CMYA5: variants seen among roughly 807,000 people sequenced by gnomAD.
CMYA5 encodes cardiomyopathy associated 5.
Under a neutral mutation model 318.9 loss-of-function variants are expected in CMYA5, and 246 were observed. That is an observed-to-expected ratio of 0.77 (90% confidence interval 0.70 to 0.86). CMYA5 has a LOEUF of 0.86. Among genes scored for constraint, CMYA5 ranks in the 40% least tolerant of loss-of-function variants. CMYA5 has a pLI of 0.00. For missense variants in CMYA5, 4,589 were observed against 4,678.2 expected (o/e 0.98, Z 0.56); for synonymous variants, 1,641 against 1,729.5 (o/e 0.95, Z 1.27).
At chr5:79,776,651 A>T (rs1670748899) in intron 9 of CMYA5, among the ~76,000 whole-genome samples, 1 of 152,116 alleles carries the variant, frequency 6.6e-6, no homozygotes, top group Non-Finnish European at 1.5e-5. Context: ...GGCTTGGGGA[A>T]CACTGCCTTA....
rs1013779600 is a variant in CMYA5 at position 79,751,009 on chromosome 5, C to T, written c.10992-1667C>T. Reference sequence around the variant, plus strand: ...TTGTTCATTCTGAGCCTATCATTTCCGCCCTCTCCATCCCCACAGTCTTAA... The same window carrying T: ...TTGTTCATTCTGAGCCTATCATTTCTGCCCTCTCCATCCCCACAGTCTTAA... On this transcript the variant is annotated intron_variant, in intron 5 of 12. Coordinates refer to ENST00000446378, the MANE Select transcript of CMYA5 (RefSeq NM_153610.5). Among the ~76,000 whole-genome samples, 12 of 152,050 alleles carry T rather than the reference C, an allele frequency of 7.9e-5. 1 individual carries two copies. Among genetic ancestry groups the T allele is most frequent in the South Asian group, 2.1e-4 (1 of 4,824 alleles).
At position 79,732,110 on chromosome 5, in the gene CMYA5, T is replaced by G. The variant is rs1199148692; in HGVS notation, c.3345T>G (p.Thr1115=). The change falls in exon 2 of 13, where the codon ACT becomes ACG. Residue 1115 remains threonine (T), a synonymous_variant. Coordinates refer to ENST00000446378, the MANE Select transcript of CMYA5 (RefSeq NM_153610.5). ...TCATTTTGGCACAGAAGCAGAAAACTCAAGCATATTTAGAGCCTGAGTCTG... is the reference window on the plus strand; with the variant it reads ...TCATTTTGGCACAGAAGCAGAAAACGCAAGCATATTTAGAGCCTGAGTCTG... ...EYLILAQKQK[T]QAYLEPESED... 3 of 1,613,954 alleles carry G rather than the reference T, an allele frequency of 1.9e-6. No individual in the cohort carries two copies. In the South Asian group the frequency reaches 3.3e-5, roughly 18 times the overall value.
intron 9 of CMYA5, among the ~76,000 whole-genome samples, chr5:79,772,109 T>C (rs1448087127): frequency 6.6e-6 from 1 of 150,386 alleles, no homozygotes; most frequent in African/African-American, 2.4e-5. Flanking sequence ...CCAATGACAG[T>C]TCCATTTGTA....
chr5:79,741,860 G>GT (rs991546923), intron 2 of CMYA5, among the ~76,000 whole-genome samples: 3 of 152,044 alleles, frequency 2.0e-5, no homozygotes, highest in East Asian at 1.9e-4. Context: ...CATTTTTAAA[G>GT]TTTTTTTTAA....
At chr5:79,799,248 T>C in intron 12 of CMYA5, 122 bp from the exon 13 acceptor site, 1 of 988,406 alleles carries the variant, frequency 1.0e-6, no homozygotes, top group Non-Finnish European at 1.5e-6. Context: ...GACAGCATTA[T>C]TGCAACTCCT....
At chr5:79,770,487 G>A (rs571348712) in intron 9 of CMYA5, among the ~76,000 whole-genome samples, 9 of 152,310 alleles carry the variant, frequency 5.9e-5, no homozygotes, top group East Asian at 3.9e-4. Flanking sequence ...TGGGAAAAGC[G>A]TAGTATCCGG....
In CMYA5 at chr5:79,738,569, T is replaced by A. The variant is rs771222469; in HGVS notation, c.9804T>A (p.Gly3268=). Residue 3268 remains glycine (G), a synonymous_variant, in exon 2 of 13, where the codon GGT becomes GGA. Coordinates refer to ENST00000446378, the MANE Select transcript of CMYA5 (RefSeq NM_153610.5). ...AAGGTCTGGAAGAAAAACGAGTTGG[T>A]AAGGATGATTCATACCAACCGATAG... ...QGQGLEEKRV[G]KDDSYQPIAA... The A allele has an allele frequency of 6.2e-7, 1 of 1,613,520 alleles. No individual in the cohort carries two copies. Among genetic ancestry groups the A allele is most frequent in the East Asian group, 2.2e-5 (1 of 44,878 alleles).
At chr5:79,701,508 TCACA>T (rs1020929254) in intron 1 of CMYA5, among the ~76,000 whole-genome samples, 7 of 152,058 alleles carry the variant, frequency 4.6e-5, no homozygotes, top group Admixed American at 1.3e-4. Context: ...AATTAAAATC[TCACA>T]CACACAAAAC....
In CMYA5 at chr5:79,731,722, T is replaced by C. The variant is rs772352629; in HGVS notation, c.2957T>C (p.Ile986Thr). ...ICLTSPSEHT[I>T]LSDEDTEEAE... ...TTAACATCACCATCTGAGCACACTATTTTGTCAGATGAAGACACTGAAGAA... is the reference window on the plus strand; with the variant it reads ...TTAACATCACCATCTGAGCACACTACTTTGTCAGATGAAGACACTGAAGAA... The change falls in exon 2 of 13, where the codon ATT becomes ACT. Residue 986 changes from isoleucine to threonine, a missense_variant. Ile to Thr is a moderately conservative substitution (Grantham distance 89). Around this residue, in one of 3 missense-constraint regions of CMYA5, gnomAD observed 2,132 missense variants for 2,131.3 expected, o/e 1.00. Coordinates refer to ENST00000446378, the MANE Select transcript of CMYA5 (RefSeq NM_153610.5). The C allele has an allele frequency of 1.2e-6, 2 of 1,613,852 alleles. No individual in the cohort carries two copies. Among genetic ancestry groups the C allele is most frequent in the African/African-American group, 2.7e-5 (2 of 74,944 alleles).
At position 79,739,097 on chromosome 5, in the gene CMYA5, A is replaced by G. The variant is rs1828158377; in HGVS notation, c.10332A>G (p.Glu3444=). ...TATTATCAGAAGAACTGTCTTCAGA[A>G]TCCACACCTGAAGATGTCTTATCTC... The part of the protein sequence containing the change: ...QDILSEELSS[E]STPEDVLSQG... The change falls in exon 2 of 13, where the codon GAA becomes GAG. Residue 3444 remains glutamate (E), a synonymous_variant. Transcript: ENST00000446378. The G allele has an allele frequency of 6.2e-7, 1 of 1,613,766 alleles. No individual in the cohort carries two copies. Among genetic ancestry groups the G allele is most frequent in the Admixed American group, 1.7e-5 (1 of 59,970 alleles).
chr5:79,795,370 G>T (rs1829258093), intron 12 of CMYA5, among the ~76,000 whole-genome samples: 1 of 152,132 alleles, frequency 6.6e-6, no homozygotes, highest in East Asian at 1.9e-4. Context: ...CATCACTCTT[G>T]ATTCTACTCA....
intron 1 of CMYA5, among the ~76,000 whole-genome samples, chr5:79,699,953 T>C (rs1827143567): frequency 6.6e-6 from 1 of 152,232 alleles, no homozygotes; most frequent in Admixed American, 6.5e-5. Flanking sequence ...GTCAGGGAGA[T>C]GCAGGATAAT....
chr5:79,727,707 T>A, intron 1 of CMYA5, among the ~76,000 whole-genome samples: 1 of 152,256 alleles, frequency 6.6e-6, no homozygotes, highest in Middle Eastern at 3.4e-3. Flanking sequence ...GTTGCAGAAG[T>A]GGAGTATTGT....
intron 9 of CMYA5, among the ~76,000 whole-genome samples, chr5:79,775,030 G>C (rs569850177): frequency 9.9e-5 from 15 of 152,170 alleles, no homozygotes; most frequent in Admixed American, 3.9e-4. Context: ...TTCTTCACAG[G>C]GTGACAGGAG....
rs1307619819 is a variant in CMYA5, at chr5:79,733,679, G to A, written c.4914G>A (p.Gly1638=). The part of the protein sequence containing the change: ...PHQPLELPNA[G]SEFSSDLGRQ... ...AACCGTTGGAATTACCAAATGCTGG[G>A]TCAGAATTTTCTAGTGATTTAGGTA... The change falls in exon 2 of 13, where the codon GGG becomes GGA. Residue 1638 remains glycine, a synonymous_variant. Coordinates refer to ENST00000446378, the MANE Select transcript of CMYA5 (RefSeq NM_153610.5). 6.2e-7 allele frequency: 1 copy of A among 1,613,742 alleles called. No homozygotes were observed. Among genetic ancestry groups the A allele is most frequent in the Admixed American group, 1.7e-5 (1 of 59,972 alleles).
intron 2 of CMYA5, among the ~76,000 whole-genome samples, chr5:79,740,856 A>G (rs1389438674): frequency 1.3e-5 from 2 of 151,826 alleles, no homozygotes. Flanking sequence ...TGTGCCATGC[A>G]CTATTTTTTT....
At chr5:79,767,903 A>G (rs1402403865) in intron 9 of CMYA5, among the ~76,000 whole-genome samples, 1 of 152,210 alleles carries the variant, frequency 6.6e-6, no homozygotes, top group East Asian at 1.9e-4. Context: ...GTGGGGTATT[A>G]AAGTCTCCCA....
chr5:79,698,557 C>G (rs1391058335), intron 1 of CMYA5, among the ~76,000 whole-genome samples: 1 of 152,196 alleles, frequency 6.6e-6, no homozygotes, highest in African/African-American at 2.4e-5. Context: ...GGTCTTTGCT[C>G]TTGCTGTCTG....
chr5:79,705,849 G>GCAGGTACTGCTACCTGCTTCA (rs1580748526), intron 1 of CMYA5, among the ~76,000 whole-genome samples: 1 of 152,170 alleles, frequency 6.6e-6, no homozygotes, highest in African/African-American at 2.4e-5. Flanking sequence ...TCTGAAAGAA[G>GCAGGTACTGCTACCTGCTTCA]CAGGTACTGC....
Sources: allele counts gnomAD v4.1 joint callset (sites outside exome capture counted in the v4.1 genomes callset), GRCh38; gene constraint gnomAD v4.1.1; regional missense constraint gnomAD v4.1.1; transcripts MANE v1.5; gene names NCBI Gene and HGNC (gene_info 2026-07-23, HGNC 2026-07-21).